FIGNL1: variants seen among roughly 807,000 people sequenced by gnomAD.
FIGNL1 encodes the protein fidgetin-like protein 1.
Under a neutral mutation model 28.9 loss-of-function variants are expected in FIGNL1, and 11 were observed. That is an observed-to-expected ratio of 0.38 (90% CI 0.24 to 0.63). FIGNL1 has a LOEUF of 0.63. FIGNL1 is among the 20% of genes least tolerant of loss of function. The probability of loss-of-function intolerance (pLI) is 0.57; values close to 1 mark genes in which losing one functional copy is unlikely to be tolerated. For missense variants in FIGNL1, 789 were observed against 810.4 expected (o/e 0.97, Z 0.32); for synonymous variants, 295 against 276.5 (o/e 1.07, Z -0.66).
At position 50,445,403 on chromosome 7, in the gene FIGNL1, C is replaced by T. The variant is rs1305805806; in HGVS notation, c.1885G>A (p.Ala629Thr). 1.9e-6 allele frequency: 3 copies of T among 1,614,080 alleles called. No homozygotes were observed. ...PIRSLQTADI[A>T]TITPDQVRPI... ...CGAACTTGATCCGGTGTTATGGTAG[C>T]AATGTCAGCAGTTTGTAAACTGCGA... Residue 629 changes from alanine (A) to threonine (T), a missense_variant, in exon 4 of 4, where the codon GCT (alanine) becomes ACT (threonine). Ala to Thr is a moderately conservative substitution (Grantham distance 58). Coordinates refer to ENST00000433017, the MANE Select transcript of FIGNL1 (RefSeq NM_001287492.4).
intron 3 of FIGNL1, chr7:50,447,500 C>A: frequency 2.5e-6 from 1 of 406,204 alleles, no homozygotes; most frequent in Non-Finnish European, 4.3e-6. Context: ...ATGAAGTCTT[C>A]AAAATTAAGG....
At position 50,445,763 on chromosome 7, in the gene FIGNL1, G is replaced by T; in HGVS notation, c.1525C>A (p.Arg509=). 1 of 1,614,140 alleles carries T rather than the reference G, an allele frequency of 6.2e-7. No individual in the cohort carries two copies. Among genetic ancestry groups the T allele is most frequent in the South Asian group, 1.1e-5 (1 of 91,078 alleles). The change falls in exon 4 of 4, where the codon CGG becomes AGG. Residue 509 remains arginine, a synonymous_variant. Transcript: ENST00000433017. ...GAAGATTCATGCTCACCATCTCCCC[G>T]TTGAGATAACAAGGAATCAATTTCG... is the stretch of plus-strand genomic sequence containing the variant. ...IDEIDSLLSQ[R]GDGEHESSRR... is the part of the protein sequence containing the mutation.
Position 50,445,815 on chromosome 7 carries a change from A to G in FIGNL1, c.1473T>C (p.Cys491=). ...CAATAAATATCACAGCTGGTTGCTGACACCTTGCAACAGCAAACAATGCAC... is the reference window on the plus strand; with the variant it reads ...CAATAAATATCACAGCTGGTTGCTGGCACCTTGCAACAGCAAACAATGCAC... The part of the protein sequence containing the change: ...MVRALFAVAR[C]QQPAVIFIDE... Residue 491 remains cysteine (C), a synonymous_variant, in exon 4 of 4, where the codon TGT becomes TGC. Coordinates refer to ENST00000433017, the MANE Select transcript of FIGNL1 (RefSeq NM_001287492.4). 1 of 1,614,238 alleles carries G rather than the reference A, an allele frequency of 6.2e-7. No individual in the cohort carries two copies. The highest frequency in any genetic ancestry group is 1.1e-5 in the South Asian group (1 of 91,084).
rs762844276 is a variant in FIGNL1 at position 50,445,788 on chromosome 7, G to A, written c.1500C>T (p.Asp500=). ...GTTGAGATAACAAGGAATCAATTTC[G>A]TCAATAAATATCACAGCTGGTTGCT... The part of the protein sequence containing the change: ...RCQQPAVIFI[D]EIDSLLSQRG... Residue 500 remains aspartate (D), a synonymous_variant, in exon 4 of 4, where the codon GAC becomes GAT. Transcript: ENST00000433017. 1.5e-5 allele frequency: 24 copies of A among 1,614,044 alleles called. No individual in the cohort carries two copies. Among genetic ancestry groups the A allele is most frequent in the Admixed American group, 6.7e-5 (4 of 60,002 alleles).
At position 50,446,913 on chromosome 7, in the gene FIGNL1, G is replaced by A; in HGVS notation, c.375C>T (p.Phe125=). The A allele has an allele frequency of 6.2e-7, 1 of 1,614,128 alleles. No homozygotes were observed. The highest frequency in any genetic ancestry group is 8.5e-7 in the Non-Finnish European group (1 of 1,180,022). ...GAGCAGGTTCCAACAGAGAGTCTTTGAATTTTTTGCCAGCTTGCATCATCT... is the reference window on the plus strand; with the variant it reads ...GAGCAGGTTCCAACAGAGAGTCTTTAAATTTTTTGCCAGCTTGCATCATCT... The part of the protein sequence containing the change: ...VQKMMQAGKK[F]KDSLLEPALA... The change falls in exon 4 of 4, where the codon TTC becomes TTT. Residue 125 remains phenylalanine, a synonymous_variant. Transcript: ENST00000433017.
At position 50,445,569 on chromosome 7, in the gene FIGNL1, C is replaced by G; in HGVS notation, c.1719G>C (p.Arg573Ser). The change falls in exon 4 of 4, where the codon AGG becomes AGC. Residue 573 changes from arginine to serine, a missense_variant. Physicochemically the swap from Arg to Ser is moderately radical, Grantham distance 110 (BLOSUM62 -1). Coordinates refer to ENST00000433017, the MANE Select transcript of FIGNL1 (RefSeq NM_001287492.4). ...ACATTAGATTAATTACTATCTGTTT[C>G]CTGGCTGAAGCTTCTGGGAGGGGAA... ...LYIPLPEASA[R>S]KQIVINLMSK... 1.9e-6 allele frequency: 3 copies of G among 1,614,200 alleles called. No individual in the cohort carries two copies. Among genetic ancestry groups the G allele is most frequent in the Non-Finnish European group, 2.5e-6 (3 of 1,180,036 alleles).
Position 50,447,133 on chromosome 7 carries a change from T to G in FIGNL1, c.155A>C (p.Gln52Pro), listed in dbSNP as rs1297099729. 2 of 1,614,124 alleles carry G rather than the reference T, an allele frequency of 1.2e-6. No homozygotes were observed. The highest frequency in any genetic ancestry group is 2.2e-5 in the East Asian group (1 of 44,900). ...TTTGAACAGTTTGGTAGCACAGACCTGGGAAATCTCAGAGTTTGCCCATGC... is the reference window on the plus strand; with the variant it reads ...TTTGAACAGTTTGGTAGCACAGACCGGGGAAATCTCAGAGTTTGCCCATGC... ...QYAWANSEIS[Q>P]VCATKLFKKY... The change falls in exon 4 of 4, where the codon CAG becomes CCG. Residue 52 changes from glutamine to proline, a missense_variant. Coordinates refer to ENST00000433017, the MANE Select transcript of FIGNL1 (RefSeq NM_001287492.4).
chr7:50,446,497 C>G lies in FIGNL1; in HGVS notation c.791G>C (p.Gly264Ala). The G allele has an allele frequency of 1.2e-6, 2 of 1,614,132 alleles. No individual in the cohort carries two copies. The highest frequency in any genetic ancestry group is 1.7e-6 in the Non-Finnish European group (2 of 1,180,032). The change falls in exon 4 of 4, where the codon GGC (glycine) becomes GCC (alanine). Residue 264 changes from glycine (G) to alanine (A), a missense_variant. By Grantham distance (60) the Gly-to-Ala change is moderately conservative (BLOSUM62 0). Coordinates refer to ENST00000433017, the MANE Select transcript of FIGNL1 (RefSeq NM_001287492.4). ...NPQRKSFYGS[G>A]TIDALSNPIL... The stretch of plus-strand genomic sequence containing the variant: ...TGGATTGGAAAGTGCATCAATGGTG[C>G]CAGAACCATAAAAAGACTTCCTCTG...
Position 50,447,174 on chromosome 7 carries a change from T to C in FIGNL1, c.114A>G (p.Ile38Met), listed in dbSNP as rs761808053. 4 of 1,614,244 alleles carry C rather than the reference T, an allele frequency of 2.5e-6. 1 individual carries two copies. In the Admixed American group the frequency reaches 5.0e-5, roughly 20 times the overall value. ...TTGCCCATGCATACTGAATGCGTAA[T>C]ATCTGTGCACGGTATGCATCTGCCT... ...GPKADAYRAQ[I>M]LRIQYAWANS... Residue 38 changes from isoleucine to methionine, a missense_variant, in exon 4 of 4, where the codon ATA (isoleucine) becomes ATG (methionine). By Grantham distance (10) the Ile-to-Met change is conservative. Coordinates refer to ENST00000433017, the MANE Select transcript of FIGNL1 (RefSeq NM_001287492.4).
rs1820809348 is a variant in FIGNL1 at position 50,446,355 on chromosome 7, G to T, written c.933C>A (p.His311Gln). The change falls in exon 4 of 4, where the codon CAC (histidine) becomes CAA (glutamine). Residue 311 changes from histidine to glutamine, a missense_variant. Transcript: ENST00000433017. ...AAGACCCTGATGCACGCTGAGGTTG[G>T]TGGTACTTTTTTTGCTGATCTACCC... The part of the protein sequence containing the change: ...QLWVDQQKKY[H>Q]QPQRASGSSY... 6.2e-7 allele frequency: 1 copy of T among 1,614,096 alleles called. No individual in the cohort carries two copies. The highest frequency in any genetic ancestry group is 8.5e-7 in the Non-Finnish European group (1 of 1,180,018).
In FIGNL1 at chr7:50,446,964, ATTAT is replaced by A; in HGVS notation, c.320_323del (p.Asn107MetfsTer5). The A allele has an allele frequency of 1.2e-6, 2 of 1,614,248 alleles. No individual in the cohort carries two copies. Among genetic ancestry groups the A allele is most frequent in the Non-Finnish European group, 1.7e-6 (2 of 1,180,044 alleles). On this transcript the variant is annotated frameshift_variant, in exon 4 of 4. Transcript: ENST00000433017. LOFTEE classifies it low-confidence loss of function (END_TRUNC). ...TCTGTACACTACTCATTTTGAAAAC[ATTAT>A]TTATTGACAATCCAGACTGCCACTT... is the stretch of plus-strand genomic sequence containing the variant.
Position 50,445,986 on chromosome 7 carries a change from A to AG in FIGNL1, c.1301dup (p.Lys435Ter). On this transcript the variant is annotated frameshift_variant, in exon 4 of 4. Transcript: ENST00000433017. LOFTEE classifies it high-confidence loss of function. ...GAGGACCAAAGAGCAAAATTCCTTT[A>AG]GGGGGTCCCCTTAAACCAGTAAAGA... is the stretch of plus-strand genomic sequence containing the variant. 6.2e-7 allele frequency: 1 copy of AG among 1,614,118 alleles called. No individual in the cohort carries two copies. Among genetic ancestry groups the AG allele is most frequent in the Non-Finnish European group, 8.5e-7 (1 of 1,179,996 alleles).
At position 50,445,049 on chromosome 7, in the gene FIGNL1, C is replaced by T; in HGVS notation, c.*214G>A. On this transcript the variant is annotated 3_prime_UTR_variant, in exon 4 of 4. Transcript: ENST00000433017. ...TCTTAGAAACAAAAGTTCATTCTCA[C>T]TTTGTTCAAATAGGCTTACGTATCA... The T allele has an allele frequency of 8.7e-6, 3 of 344,184 alleles. No homozygotes were observed. Among genetic ancestry groups the T allele is most frequent in the Non-Finnish European group, 1.6e-5 (3 of 193,066 alleles). The allele number at this position is 344,184 out of a possible 1,614,324, so 21.3% of individuals were successfully genotyped here.
rs1820529983 is a variant in FIGNL1, at chr7:50,445,533, C to T, written c.1755G>A (p.Gln585=). ...QIVINLMSKE[Q]CCLSEEEIEQ... ...CAATTTCTTCTTCACTGAGGCAACA[C>T]TGCTCTTTGGACATTAGATTAATTA... Residue 585 remains glutamine (Q), a synonymous_variant, in exon 4 of 4, where the codon CAG becomes CAA. Transcript: ENST00000433017. 1.9e-6 allele frequency: 3 copies of T among 1,614,112 alleles called. No individual in the cohort carries two copies. Among genetic ancestry groups the T allele is most frequent in the African/African-American group, 1.3e-5 (1 of 74,940 alleles).
chr7:50,446,593 G>A lies in FIGNL1; in HGVS notation c.695C>T (p.Ala232Val). Residue 232 changes from alanine to valine, a missense_variant, in exon 4 of 4, where the codon GCA (alanine) becomes GTA (valine). By Grantham distance (64) the Ala-to-Val change is moderately conservative. Coordinates refer to ENST00000433017, the MANE Select transcript of FIGNL1 (RefSeq NM_001287492.4). The stretch of plus-strand genomic sequence containing the variant: ...CACATTAAGTCCTATGTTTTCTTTT[G>A]CAGAGCTGTGATTTTCCTTTTTGAC... ...GNVKKENHSSAKENIGLNVFL... is the reference protein window; with the variant it reads ...GNVKKENHSSVKENIGLNVFL... 6.2e-7 allele frequency: 1 copy of A among 1,614,110 alleles called. No individual in the cohort carries two copies. The highest frequency in any genetic ancestry group is 1.3e-5 in the African/African-American group (1 of 75,042).
rs62445870 is a variant in FIGNL1 at position 50,447,206 on chromosome 7, C to T, written c.82G>A (p.Gly28Arg). 0.02 allele frequency: 31,956 copies of T among 1,613,948 alleles called. 409 individuals are homozygous for T. Among genetic ancestry groups the T allele is most frequent in the Non-Finnish European group, 0.023 (27,706 of 1,179,862 alleles). ...YFAITSGICT[G>R]PKADAYRAQI... ...GCACGGTATGCATCTGCCTTCGGTCCGGTACATATGCCAGATGTAATTGCG... is the reference window on the plus strand; with the variant it reads ...GCACGGTATGCATCTGCCTTCGGTCTGGTACATATGCCAGATGTAATTGCG... The change falls in exon 4 of 4, where the codon GGA (glycine) becomes AGA (arginine). Residue 28 changes from glycine (G) to arginine (R), a missense_variant. Gly to Arg is a moderately radical substitution (Grantham distance 125, BLOSUM62 -2). Coordinates refer to ENST00000433017, the MANE Select transcript of FIGNL1 (RefSeq NM_001287492.4).
At chr7:50,448,076 T>C (rs374647966) in intron 3 of FIGNL1, 105 bp downstream of exon 3, 4 of 152,204 alleles carry the variant, frequency 2.6e-5, no homozygotes, top group South Asian at 2.1e-4. Context: ...AGAGGAACCA[T>C]TGGAAGAATC....
At position 50,446,213 on chromosome 7, in the gene FIGNL1, T is replaced by C; in HGVS notation, c.1075A>G (p.Lys359Glu). ...TCTGTAGGTCCTGCCCCATAAGGCT[T>C]ACATTGCATTCCTCCATTCTGCTCT... ...GGEQNGGMQCKPYGAGPTEPA... is the reference protein window; with the variant it reads ...GGEQNGGMQCEPYGAGPTEPA... The change falls in exon 4 of 4, where the codon AAG (lysine) becomes GAG (glutamate). Residue 359 changes from lysine (K) to glutamate (E), a missense_variant. Coordinates refer to ENST00000433017, the MANE Select transcript of FIGNL1 (RefSeq NM_001287492.4). 1 of 1,614,218 alleles carries C rather than the reference T, an allele frequency of 6.2e-7. No homozygotes were observed. Among genetic ancestry groups the C allele is most frequent in the South Asian group, 1.1e-5 (1 of 91,082 alleles).
Position 50,445,848 on chromosome 7 carries a change from T to A in FIGNL1, c.1440A>T (p.Lys480Asn). The part of the protein sequence containing the change: ...LTSKWVGEGE[K>N]MVRALFAVAR... ...CAACAGCAAACAATGCACGGACCAT[T>A]TTCTCCCCCTCACCTACCCATTTAG... The change falls in exon 4 of 4, where the codon AAA (lysine) becomes AAT (asparagine). Residue 480 changes from lysine (K) to asparagine (N), a missense_variant. By Grantham distance (94) the Lys-to-Asn change is moderately conservative. Transcript: ENST00000433017. The A allele has an allele frequency of 6.2e-7, 1 of 1,614,166 alleles. No individual in the cohort carries two copies. The highest frequency in any genetic ancestry group is 8.5e-7 in the Non-Finnish European group (1 of 1,180,038).
Sources: allele counts gnomAD v4.1 joint callset, GRCh38; gene constraint gnomAD v4.1.1; transcripts MANE v1.5; gene names NCBI Gene and HGNC (gene_info 2026-07-23, HGNC 2026-07-21).